The following CLGN variants were observed in gnomAD, a reference collection of about 807,000 sequenced individuals.
CLGN encodes the protein calmegin, also known as testis tissue sperm-binding protein Li 79P.
In CLGN, 62 loss-of-function variants were observed where a neutral mutation model predicts 79.1. That is an observed-to-expected ratio of 0.78 (90% confidence interval 0.64 to 0.97). CLGN has a LOEUF of 0.97. CLGN is among the 50% of genes least tolerant of loss of function. The probability of loss-of-function intolerance (pLI) is 0.00; values close to 1 mark genes in which losing one functional copy is unlikely to be tolerated. For missense variants in CLGN, 647 were observed against 715.5 expected (o/e 0.90, Z 1.09); for synonymous variants, 225 against 224.7 (o/e 1.00, Z -0.01).
chr4:140,396,908 T>C (rs1314222773), intron 8 of CLGN, among the ~76,000 whole-genome samples: 10 of 10,334 alleles, frequency 9.7e-4, no homozygotes, highest in Non-Finnish European at 3.0e-3. Flanking sequence ...TATATATATG[T>C]ATATATATAT....
intron 1 of CLGN, among the ~76,000 whole-genome samples, chr4:140,423,093 A>T (rs1395138320): frequency 1.3e-5 from 2 of 152,062 alleles, no homozygotes; most frequent in African/African-American, 4.8e-5. Context: ...AAGTGGAAAA[A>T]GCAGGCATCC....
At chr4:140,421,058 G>A (rs1376838361) in intron 1 of CLGN, among the ~76,000 whole-genome samples, 1 of 151,998 alleles carries the variant, frequency 6.6e-6, no homozygotes, top group African/African-American at 2.4e-5. Context: ...TACAGTATTG[G>A]TCTTTCTGTA....
At chr4:140,403,348 A>C (rs186899712) in intron 5 of CLGN, among the ~76,000 whole-genome samples, 3 of 152,346 alleles carry the variant, frequency 2.0e-5, no homozygotes, top group African/African-American at 7.2e-5. Flanking sequence ...ATCATGCCCA[A>C]TGAGGGGCAA....
Position 140,401,991 on chromosome 4 carries a change from C to A in CLGN, c.495G>T (p.Leu165Phe), listed in dbSNP as rs770855185. ...AAATATTAAAATATCATACCAGAAT[C>A]AAATCATCAGTGTCTGCTAGGAGTT... ...YIKLLADTDD[L>F]ILENFYDKTS... is the part of the protein sequence containing the mutation. Residue 165 changes from leucine to phenylalanine, a missense_variant, in exon 6 of 15, where the codon TTG (leucine) becomes TTT (phenylalanine). Transcript: ENST00000325617. 1.3e-6 allele frequency: 2 copies of A among 1,525,968 alleles called. No homozygotes were observed. Among genetic ancestry groups the A allele is most frequent in the East Asian group, 2.3e-5 (1 of 42,766 alleles). The allele number at this position is 1,525,968 out of a possible 1,614,324, so 94.5% of individuals were successfully genotyped here.
intron 6 of CLGN, among the ~76,000 whole-genome samples, chr4:140,401,328 C>T (rs1728995878): frequency 6.6e-6 from 1 of 152,142 alleles, no homozygotes; most frequent in African/African-American, 2.4e-5. Context: ...CTCTCCTTCA[C>T]TTGATCCTAA....
chr4:140,422,653 G>A (rs905947747), intron 1 of CLGN, among the ~76,000 whole-genome samples: 3 of 152,156 alleles, frequency 2.0e-5, no homozygotes, highest in Non-Finnish European at 4.4e-5. Flanking sequence ...ATCTCACTCT[G>A]TTACCCAGGC....
At chr4:140,393,737 A>T in intron 11 of CLGN, 89 bp downstream of exon 11, 2 of 1,094,134 alleles carry the variant, frequency 1.8e-6, no homozygotes, top group Non-Finnish European at 1.3e-6. Context: ...ATTTATTTGC[A>T]TTTAAAAGAG....
At chr4:140,410,751 C>T (rs1427811602) in intron 2 of CLGN, 125 bp from the exon 3 acceptor site, 1 of 610,290 alleles carries the variant, frequency 1.6e-6, no homozygotes, top group Non-Finnish European at 2.9e-6. Flanking sequence ...AGGTGACAAA[C>T]TCAAATAGGA....
At chr4:140,400,625 G>A in intron 6 of CLGN, 76 bp from the exon 7 acceptor site, 1 of 911,664 alleles carries the variant, frequency 1.1e-6, no homozygotes, top group Non-Finnish European at 1.6e-6. Flanking sequence ...TTATCCAATG[G>A]GTAGAGTTTA....
At chr4:140,416,720 C>T (rs1469024575) in intron 1 of CLGN, among the ~76,000 whole-genome samples, 1 of 151,978 alleles carries the variant, frequency 6.6e-6, no homozygotes, top group Non-Finnish European at 1.5e-5. Context: ...AGCTTACCAA[C>T]CAAAAAGAGT....
intron 1 of CLGN, among the ~76,000 whole-genome samples, chr4:140,422,071 T>TA (rs1035955950): frequency 4.8e-4 from 73 of 152,198 alleles, no homozygotes; most frequent in African/African-American, 1.8e-3. Flanking sequence ...GGCACTTTTA[T>TA]AAAAAAAATT....
At chr4:140,401,436 C>T (rs1423321399) in intron 6 of CLGN, among the ~76,000 whole-genome samples, 1 of 152,116 alleles carries the variant, frequency 6.6e-6, no homozygotes, top group South Asian at 2.1e-4. Flanking sequence ...TCTCATCTAT[C>T]GTATTTCTGT....
At chr4:140,419,838 A>T (rs1307518335) in intron 1 of CLGN, among the ~76,000 whole-genome samples, 1 of 152,164 alleles carries the variant, frequency 6.6e-6, no homozygotes, top group Admixed American at 6.5e-5. Context: ...TCAATTTGAC[A>T]CAATGAAATA....
At chr4:140,404,793 T>C (rs1729067569) in intron 5 of CLGN, among the ~76,000 whole-genome samples, 1 of 152,106 alleles carries the variant, frequency 6.6e-6, no homozygotes, top group South Asian at 2.1e-4. Flanking sequence ...TAGCTGGGAC[T>C]ACAGTCGGGC....
Position 140,395,866 on chromosome 4 carries a change from A to G in CLGN, c.1102T>C (p.Tyr368His), listed in dbSNP as rs145344727. 4 of 1,589,990 alleles carry G rather than the reference A, an allele frequency of 2.5e-6. No individual in the cohort carries two copies. The highest frequency in any genetic ancestry group is 4.5e-5 in the East Asian group (2 of 44,806). ...AGTGGAGGTCTCCATACTCCTTTGT[A>G]TTTTGGGTTATCTATCATGGGAGGT... ...WKPPMIDNPK[Y>H]KGVWRPPLVD... Residue 368 changes from tyrosine (Y) to histidine (H), a missense_variant, in exon 10 of 15, where the codon TAC becomes CAC. Physicochemically the swap from Tyr to His is moderately conservative, Grantham distance 83. Coordinates refer to ENST00000325617, the MANE Select transcript of CLGN (RefSeq NM_004362.3).
chr4:140,411,609 C>T (rs940933481), intron 2 of CLGN, among the ~76,000 whole-genome samples: 18 of 151,910 alleles, frequency 1.2e-4, no homozygotes, highest in African/African-American at 4.3e-4. Flanking sequence ...TGCAGAAATA[C>T]TTTTTCTATT....
rs375996976 is a variant in CLGN, at chr4:140,401,971, T to A, written c.501+14A>T. On this transcript the variant is annotated intron_variant, in intron 6 of 14. Coordinates refer to ENST00000325617, the MANE Select transcript of CLGN (RefSeq NM_004362.3). ...AACTTTAATAAGGTTTTCTTAAATATTAAAATATCATACCAGAATCAAATC... is the reference window on the plus strand; with the variant it reads ...AACTTTAATAAGGTTTTCTTAAATAATAAAATATCATACCAGAATCAAATC... The A allele has an allele frequency of 2.1e-5, 29 of 1,402,928 alleles. No homozygotes were observed. The African/African-American group carries it at 2.6e-4, about 13-fold the overall frequency. The allele number at this position is 1,402,928 out of a possible 1,614,324, so 86.9% of individuals were successfully genotyped here.
At chr4:140,396,926 CATATATATAT>C in intron 8 of CLGN, among the ~76,000 whole-genome samples, 1 of 121,948 alleles carries the variant, frequency 8.2e-6, no homozygotes, top group Admixed American at 8.2e-5. Flanking sequence ...TATATATACA[CATATATATAT>C]ATACACATAG....
At chr4:140,392,408 T>A (rs1560738048) in intron 12 of CLGN, 30 bp from the exon 13 acceptor site, 2 of 1,569,242 alleles carry the variant, frequency 1.3e-6, no homozygotes, top group South Asian at 1.2e-5. Context: ...TTATTTTTAC[T>A]AAAGGCAGAG....
Sources: allele counts gnomAD v4.1 joint callset (sites outside exome capture counted in the v4.1 genomes callset), GRCh38; gene constraint gnomAD v4.1.1; transcripts MANE v1.5; gene names NCBI Gene and HGNC (gene_info 2026-07-23, HGNC 2026-07-21).